The following EDARADD variants were observed in gnomAD, a reference collection of about 807,000 sequenced individuals.
EDARADD encodes the protein ectodysplasin-A receptor-associated adapter protein.
In EDARADD, 20 loss-of-function variants were observed where a neutral mutation model predicts 25.6. That is an observed-to-expected ratio of 0.78 (90% confidence interval 0.55 to 1.14). The LOEUF (loss-of-function observed/expected upper bound fraction) is 1.14. EDARADD is among the 50% of genes most tolerant of loss of function. The pLI is 0.00. For synonymous variants in EDARADD, 86 were observed against 94.4 expected (o/e 0.91, Z 0.52); for missense variants, 225 against 270.1 (o/e 0.83, Z 1.17).
At chr1:236,431,115 A>AAAAT (rs36134200) in intron 4 of EDARADD, among the ~76,000 whole-genome samples, 48 of 151,550 alleles carry the variant, frequency 3.2e-4, no homozygotes, top group Middle Eastern at 6.8e-3. Context: ...ACCCTGTCTT[A>AAAAT]AAATAAATAA....
At chr1:236,480,501 G>T (rs887772808) in intron 5 of EDARADD, among the ~76,000 whole-genome samples, 46 of 151,984 alleles carry the variant, frequency 3.0e-4, no homozygotes, top group Middle Eastern at 3.4e-3. Context: ...ATTTCCACTT[G>T]CCTCAATATT....
intron 3 of EDARADD, among the ~76,000 whole-genome samples, chr1:236,383,976 C>G (rs997413156): frequency 7.9e-5 from 12 of 152,204 alleles, no homozygotes; most frequent in Admixed American, 3.9e-4. Context: ...GCACTCTAGC[C>G]TGGGTGACAG....
In EDARADD at chr1:236,436,553, G is replaced by A. The variant is rs551929842; in HGVS notation, c.219+9103G>A. Among the ~76,000 whole-genome samples, 182 of 148,484 alleles carry A rather than the reference G, an allele frequency of 1.2e-3. 1 individual carries two copies. Among genetic ancestry groups the A allele is most frequent in the Non-Finnish European group, 2.0e-3 (136 of 67,404 alleles). ...GAGGCAGGAGAATCACTTGAGCCTG[G>A]GAGGTTGAGGCTGCAGTGAGCCGTG... On this transcript the variant is annotated intron_variant, in intron 4 of 5. Transcript: ENST00000334232.
intron 5 of EDARADD, among the ~76,000 whole-genome samples, chr1:236,477,918 CA>C (rs2103040113): frequency 6.6e-6 from 1 of 152,188 alleles, no homozygotes; most frequent in Non-Finnish European, 1.5e-5. Context: ...GCGTGGCCAA[CA>C]TGGCAAAACT....
intron 3 of EDARADD, among the ~76,000 whole-genome samples, chr1:236,351,061 C>T (rs893562724): frequency 4.6e-5 from 7 of 152,024 alleles, no homozygotes; most frequent in Non-Finnish European, 8.8e-5. Context: ...ATTGCTGGAG[C>T]CCAGGAATTG....
chr1:236,378,421 G>GT (rs1218121192), intron 3 of EDARADD, among the ~76,000 whole-genome samples: 2 of 152,108 alleles, frequency 1.3e-5, no homozygotes, highest in Non-Finnish European at 2.9e-5. Flanking sequence ...TACAGTTCAG[G>GT]TTTTCCTACC....
At chr1:236,426,740 T>C (rs1280357139) in intron 3 of EDARADD, among the ~76,000 whole-genome samples, 1 of 152,144 alleles carries the variant, frequency 6.6e-6, no homozygotes, top group Non-Finnish European at 1.5e-5. Flanking sequence ...AGGCCCTATA[T>C]CTTACTTAGC....
intron 5 of EDARADD, among the ~76,000 whole-genome samples, chr1:236,480,063 C>T (rs894313257): frequency 1.5e-5 from 2 of 137,916 alleles, no homozygotes; most frequent in African/African-American, 5.6e-5. Context: ...AACAAAATCC[C>T]TAATATAATC....
At chr1:236,447,166 C>T (rs1341119124) in intron 4 of EDARADD, among the ~76,000 whole-genome samples, 82 of 115,100 alleles carry the variant, frequency 7.1e-4, no homozygotes, top group African/African-American at 3.1e-3. Flanking sequence ...CCCTCCCTCC[C>T]TCCCTCTTTC....
At chr1:236,355,500 C>CTT (rs563976436) in intron 3 of EDARADD, among the ~76,000 whole-genome samples, 8,330 of 73,108 alleles carry the variant, frequency 0.11, 2,110 homozygotes, top group East Asian at 0.38. Context: ...GCTTCTTCTT[C>CTT]TTTTTTTTTT....
At chr1:236,429,193 A>ACTGTGCAGAGGGAGAGGGAGAGGGAGC (rs1558121706) in intron 4 of EDARADD, among the ~76,000 whole-genome samples, 1 of 143,600 alleles carries the variant, frequency 7.0e-6, no homozygotes, top group Non-Finnish European at 1.5e-5. Flanking sequence ...GCAGAGGGAG[A>ACTGTGCAGAGGGAGAGGGAGAGGGAGC]GGGAGCGGGA....
intron 4 of EDARADD, among the ~76,000 whole-genome samples, chr1:236,446,708 A>G (rs1263526647): frequency 1.3e-5 from 2 of 152,188 alleles, no homozygotes; most frequent in African/African-American, 2.4e-5. Flanking sequence ...TTTTGAGTAT[A>G]TATTTTTTAA....
At chr1:236,405,043 G>A (rs1032785321) in intron 1 of EDARADD, among the ~76,000 whole-genome samples, 2 of 151,846 alleles carry the variant, frequency 1.3e-5, no homozygotes, top group Admixed American at 1.3e-4. Flanking sequence ...GGAGTGAGCC[G>A]AGATCACGCC....
intron 4 of EDARADD, among the ~76,000 whole-genome samples, chr1:236,443,624 C>T (rs1658458745): frequency 6.6e-6 from 1 of 152,186 alleles, no homozygotes; most frequent in African/African-American, 2.4e-5. Flanking sequence ...GATGATAAAA[C>T]TTGAATGGAT....
intron 3 of EDARADD, among the ~76,000 whole-genome samples, chr1:236,352,848 A>G (rs1054054535): frequency 8.9e-5 from 10 of 112,306 alleles, no homozygotes; most frequent in African/African-American, 3.1e-4. Flanking sequence ...ACTCCATCTC[A>G]TAAATAAATA....
chr1:236,405,596 T>A (rs1246307256), intron 1 of EDARADD, among the ~76,000 whole-genome samples: 1 of 152,152 alleles, frequency 6.6e-6, no homozygotes. Context: ...GACTGCTAGC[T>A]CTTAGTGATG....
At chr1:236,357,399 A>G (rs531455792) in intron 3 of EDARADD, among the ~76,000 whole-genome samples, 44 of 152,320 alleles carry the variant, frequency 2.9e-4, no homozygotes, top group African/African-American at 1.0e-3. Context: ...TGCGGGCTAT[A>G]CAAGAAACAT....
chr1:236,440,248 C>A (rs754509144), intron 4 of EDARADD, among the ~76,000 whole-genome samples: 1 of 152,186 alleles, frequency 6.6e-6, no homozygotes, highest in Non-Finnish European at 1.5e-5. Context: ...TTTGCCAATA[C>A]CACACTGTTT....
chr1:236,456,524 T>C (rs112055941), intron 4 of EDARADD, among the ~76,000 whole-genome samples: 2,970 of 152,234 alleles, frequency 0.02, 39 homozygotes, highest in Non-Finnish European at 0.029. Context: ...GTATTTCCCT[T>C]CCTCGGCCTG....
Sources: allele counts gnomAD v4.1 joint callset (sites outside exome capture counted in the v4.1 genomes callset), GRCh38; gene constraint gnomAD v4.1.1; transcripts MANE v1.5; gene names NCBI Gene and HGNC (gene_info 2026-07-23, HGNC 2026-07-21).